The following SRRM4 variants were observed in gnomAD, a reference collection of about 807,000 sequenced individuals.
The protein encoded by SRRM4 is serine/arginine repetitive matrix 4, also known as serine/arginine repetitive matrix protein 4.
A neutral mutation model predicts 68.9 loss-of-function variants in SRRM4; 33 were observed. The observed-to-expected ratio is 0.48, with a 90% CI of 0.36 to 0.64. The LOEUF (loss-of-function observed/expected upper bound fraction) is 0.64. SRRM4 is among the 30% of genes least tolerant of loss of function. The pLI is 0.00. For synonymous variants in SRRM4, 318 were observed against 318.8 expected (o/e 1.00, Z 0.03); for missense variants, 817 against 827.1 (o/e 0.99, Z 0.15).
In SRRM4 at chr12:119,161,723, C is replaced by G. The variant is rs1241567344; in HGVS notation, c.*4925C>G. 6.6e-6 allele frequency: 1 copy of G among 152,530 alleles called. No homozygotes were observed. The highest frequency in any genetic ancestry group is 1.5e-5 in the Non-Finnish European group (1 of 68,034). The allele number at this position is 152,530 out of a possible 1,614,324, so 9.4% of individuals were successfully genotyped here. The stretch of plus-strand genomic sequence containing the variant: ...GGTAAGGAGTGCTAGAATCACCAAG[C>G]AAATTGAAATTGGCAGAAATGGAGG... On this transcript the variant is annotated 3_prime_UTR_variant, in exon 13 of 13. Transcript: ENST00000267260.
intron 1 of SRRM4, among the ~76,000 whole-genome samples, chr12:119,075,348 G>GGAT (rs912257933): frequency 6.6e-6 from 1 of 152,008 alleles, no homozygotes; most frequent in Non-Finnish European, 1.5e-5. Context: ...GATCTGGACT[G>GGAT]GATGATGATG....
At chr12:119,114,184 C>A in intron 2 of SRRM4, 94 bp from the exon 3 acceptor site, 2 of 1,036,802 alleles carry the variant, frequency 1.9e-6, no homozygotes, top group Non-Finnish European at 2.9e-6. Context: ...CCTTGATCAT[C>A]CAAGGACCTG....
intron 1 of SRRM4, among the ~76,000 whole-genome samples, chr12:118,995,629 C>G (rs115447192): frequency 3.5e-4 from 54 of 152,276 alleles, no homozygotes; most frequent in African/African-American, 1.3e-3. Flanking sequence ...GAGAAACAGA[C>G]AAGGAGAATA....
intron 4 of SRRM4, 25 bp downstream of exon 4, chr12:119,117,033 A>G (rs1954184881): frequency 3.7e-6 from 6 of 1,610,216 alleles, no homozygotes; most frequent in African/African-American, 1.3e-5. Flanking sequence ...CTCTGCAAAC[A>G]AGACCTCCCC....
At chr12:119,094,424 C>A (rs1954031094) in intron 1 of SRRM4, among the ~76,000 whole-genome samples, 1 of 152,166 alleles carries the variant, frequency 6.6e-6, no homozygotes, top group African/African-American at 2.4e-5. Context: ...CCCAGGTGAC[C>A]CATGCACATG....
chr12:119,123,810 C>G (rs576589448), intron 6 of SRRM4, among the ~76,000 whole-genome samples: 2 of 152,170 alleles, frequency 1.3e-5, no homozygotes, highest in African/African-American at 4.8e-5. Context: ...ATGTGACTGG[C>G]CTTGCGCTGG....
intron 1 of SRRM4, among the ~76,000 whole-genome samples, chr12:118,985,343 G>A (rs1256237593): frequency 6.6e-6 from 1 of 152,200 alleles, no homozygotes; most frequent in Non-Finnish European, 1.5e-5. Context: ...TTTCCATGGA[G>A]CATTCTGTTG....
Position 119,122,183 on chromosome 12 carries a change from A to G in SRRM4, c.515+63A>G, listed in dbSNP as rs573695536. The G allele has an allele frequency of 1.8e-5, 21 of 1,161,076 alleles. No individual in the cohort carries two copies. In the African/African-American group the frequency reaches 3.2e-4, roughly 18 times the overall value. The allele number at this position is 1,161,076 out of a possible 1,614,324, so 71.9% of individuals were successfully genotyped here. Reference sequence around the variant, plus strand: ...AGGAGTTGGGGCATCTGGCTTCTTAAAAGCCAGAGTCTTAGAGTTGCCAAA... The same window carrying G: ...AGGAGTTGGGGCATCTGGCTTCTTAGAAGCCAGAGTCTTAGAGTTGCCAAA... On this transcript the variant is annotated intron_variant, in intron 6 of 12. Coordinates refer to ENST00000267260, the MANE Select transcript of SRRM4 (RefSeq NM_194286.4).
chr12:119,040,132 C>T (rs1313923390), intron 1 of SRRM4, among the ~76,000 whole-genome samples: 1 of 152,092 alleles, frequency 6.6e-6, no homozygotes, highest in Non-Finnish European at 1.5e-5. Context: ...AAAAAAGGCA[C>T]CTGTCCCTAC....
intron 1 of SRRM4, among the ~76,000 whole-genome samples, chr12:118,997,066 G>C (rs1953354222): frequency 6.6e-6 from 1 of 152,200 alleles, no homozygotes; most frequent in Non-Finnish European, 1.5e-5. Context: ...TTCTCAGCAA[G>C]AAGGTTATCC....
Position 119,154,424 on chromosome 12 carries a change from T to C in SRRM4, c.1532+41T>C. ...AAGGGGGACCCACCTTCATCCTCGT[T>C]CCCACTCCCATTCTTACTCATTCGA... On this transcript the variant is annotated intron_variant, in intron 12 of 12. Coordinates refer to ENST00000267260, the MANE Select transcript of SRRM4 (RefSeq NM_194286.4). This position sits in a 1 kb window ranked among gnomAD's most constrained non-coding sequence, Gnocchi z 4.7. The C allele has an allele frequency of 6.2e-7, 1 of 1,603,252 alleles. No homozygotes were observed. The highest frequency in any genetic ancestry group is 8.5e-7 in the Non-Finnish European group (1 of 1,174,392).
chr12:119,039,590 G>A (rs1344770202), intron 1 of SRRM4, among the ~76,000 whole-genome samples: 2 of 152,134 alleles, frequency 1.3e-5, no homozygotes. Flanking sequence ...TTTCGTCACT[G>A]AAAGTTCCGC....
intron 8 of SRRM4, among the ~76,000 whole-genome samples, chr12:119,144,379 C>G (rs1455518175): frequency 6.6e-6 from 1 of 152,152 alleles, no homozygotes; most frequent in Non-Finnish European, 1.5e-5. Flanking sequence ...ATTGATGCCC[C>G]CACCCGTCAA....
Position 119,016,853 on chromosome 12 carries a change from A to G in SRRM4, c.131+34840A>G, listed in dbSNP as rs74487046. 2.6e-4 allele frequency among the ~76,000 whole-genome samples: 39 copies of G among 152,342 alleles called. No individual in the cohort carries two copies. The East Asian group carries it at 7.1e-3, about 28-fold the overall frequency. On this transcript the variant is annotated intron_variant, in intron 1 of 12. Transcript: ENST00000267260. ...CTGCAGACAAGGCACGCTGACTCTG[A>G]ACCCCAGCTCTGCCAGTTCCTGGCT... is the stretch of plus-strand genomic sequence containing the variant.
chr12:119,106,562 T>A (rs1168104229), intron 2 of SRRM4, among the ~76,000 whole-genome samples: 1 of 152,234 alleles, frequency 6.6e-6, no homozygotes, highest in East Asian at 1.9e-4. Flanking sequence ...TTTTATTCTC[T>A]TTGAAGCAAT....
At chr12:119,093,878 G>A (rs1954028668) in intron 1 of SRRM4, among the ~76,000 whole-genome samples, 1 of 152,190 alleles carries the variant, frequency 6.6e-6, no homozygotes, top group Non-Finnish European at 1.5e-5. Flanking sequence ...AAGCAAATAG[G>A]CAATTGATAG....
At chr12:119,019,617 C>T (rs79907380) in intron 1 of SRRM4, among the ~76,000 whole-genome samples, 2,089 of 152,246 alleles carry the variant, frequency 0.014, 48 homozygotes, top group African/African-American at 0.045. Context: ...TATTAACTTG[C>T]TACCCTAACC....
chr12:119,139,870 CTT>C (rs5801317), intron 8 of SRRM4, among the ~76,000 whole-genome samples: 6 of 151,302 alleles, frequency 4.0e-5, no homozygotes, highest in South Asian at 4.2e-4. Flanking sequence ...TAAGGAGCAC[CTT>C]TTTTTTTCAT....
intron 1 of SRRM4, among the ~76,000 whole-genome samples, chr12:119,084,112 T>A (rs995290714): frequency 6.6e-6 from 1 of 152,176 alleles, no homozygotes; most frequent in Non-Finnish European, 1.5e-5. Context: ...AGAGGGAAAT[T>A]CATTTGCCTG....
Sources: gnomAD v4.1 joint callset for allele counts (sites outside exome capture counted in the v4.1 genomes callset) on GRCh38, gnomAD v4.1.1 for gene constraint, Gnocchi (gnomAD v3.1) non-coding constraint, MANE v1.5 for transcripts, NCBI Gene and HGNC (gene_info 2026-07-23, HGNC 2026-07-21) for gene names.